EVA1C: variants seen among roughly 807,000 people sequenced by gnomAD.
EVA1C encodes eva-1 homolog C, also known as protein eva-1 homolog C.
In EVA1C, 25 loss-of-function variants were observed where a neutral mutation model predicts 45.4. The observed-to-expected ratio is 0.55, with a 90% CI of 0.40 to 0.77. EVA1C has a LOEUF of 0.77. Among genes scored for constraint, EVA1C ranks in the 30% least tolerant of loss-of-function variants. The probability of loss-of-function intolerance (pLI) is 0.00; values close to 1 mark genes in which losing one functional copy is unlikely to be tolerated. For synonymous variants in EVA1C, 190 were observed against 221.2 expected (o/e 0.86, Z 1.25); for missense variants, 479 against 554.8 (o/e 0.86, Z 1.37).
chr21:32,442,599 A>G (rs1386514323), intron 1 of EVA1C, among the ~76,000 whole-genome samples: 1 of 147,784 alleles, frequency 6.8e-6, no homozygotes, highest in Non-Finnish European at 1.5e-5. Flanking sequence ...TTATTTGTTT[A>G]TTTGTGAATA....
At chr21:32,438,669 AG>A (rs1158901997) in intron 1 of EVA1C, among the ~76,000 whole-genome samples, 5 of 152,132 alleles carry the variant, frequency 3.3e-5, no homozygotes, top group Non-Finnish European at 7.3e-5. Context: ...GTATTGATTT[AG>A]GGGTTATAAA....
intron 2 of EVA1C, among the ~76,000 whole-genome samples, chr21:32,455,961 CG>C (rs559369119): frequency 4.4e-4 from 67 of 152,246 alleles, no homozygotes; most frequent in East Asian, 4.3e-3. Flanking sequence ...GGCGCAATCT[CG>C]GCTTACCACA....
At chr21:32,421,782 G>A (rs2034282110) in intron 1 of EVA1C, among the ~76,000 whole-genome samples, 4 of 152,188 alleles carry the variant, frequency 2.6e-5, no homozygotes, top group Admixed American at 2.6e-4. Context: ...GGTGGCTCAT[G>A]CCTGTAATCC....
At chr21:32,510,659 A>ACAGTGTTT (rs1272243124) in intron 7 of EVA1C, among the ~76,000 whole-genome samples, 1 of 152,216 alleles carries the variant, frequency 6.6e-6, no homozygotes, top group Non-Finnish European at 1.5e-5. Flanking sequence ...ATGGAGCAGA[A>ACAGTGTTT]CAGTGTTTCA....
chr21:32,421,167 G>GAGTGGTTAAATATAAAGAATATCC (rs145422635), intron 1 of EVA1C, among the ~76,000 whole-genome samples: 58,210 of 152,034 alleles, frequency 0.38, 11,748 homozygotes, highest in African/African-American at 0.51. Flanking sequence ...AATGAGTGGT[G>GAGTGGTTAAATATAAAGAATATCC]AGGAAACAAA....
intron 1 of EVA1C, among the ~76,000 whole-genome samples, chr21:32,448,428 G>A (rs1426818582): frequency 1.3e-5 from 2 of 152,136 alleles, no homozygotes; most frequent in Non-Finnish European, 2.9e-5. Context: ...ACAAAGTAAA[G>A]CACATGCCTG....
At chr21:32,504,147 C>T in intron 7 of EVA1C, 132 bp downstream of exon 7, 1 of 645,622 alleles carries the variant, frequency 1.5e-6, no homozygotes, top group South Asian at 1.9e-5. Context: ...CCAACCACCA[C>T]TTCTAAGATT....
At chr21:32,494,721 T>C (rs532478612) in intron 4 of EVA1C, among the ~76,000 whole-genome samples, 49 of 150,674 alleles carry the variant, frequency 3.3e-4, no homozygotes, top group African/African-American at 8.8e-4. Context: ...AGGCAGAGGT[T>C]GCAGTGACTG....
intron 7 of EVA1C, among the ~76,000 whole-genome samples, chr21:32,509,455 G>A (rs1316239144): frequency 6.6e-6 from 1 of 152,186 alleles, no homozygotes; most frequent in Non-Finnish European, 1.5e-5. Flanking sequence ...CACCTCCCAG[G>A]AGAAGAGGAG....
chr21:32,415,733 T>C (rs1045033654), intron 1 of EVA1C, among the ~76,000 whole-genome samples: 2 of 152,136 alleles, frequency 1.3e-5, no homozygotes, highest in African/African-American at 4.8e-5. Context: ...AAACACCGCC[T>C]TCTCTCTCAT....
At position 32,457,573 on chromosome 21, in the gene EVA1C, C is replaced by CCCTT. The variant is rs758451496; in HGVS notation, c.358-23_358-20dup. On this transcript the variant is annotated intron_variant, in intron 2 of 7. Coordinates refer to ENST00000300255, the MANE Select transcript of EVA1C (RefSeq NM_058187.5). ...CACTGTGAGCAGTTTTCAAGCCTGTCCCTTTTCTACCCTCTCCTTCTAGAA... is the reference window on the plus strand; with the variant it reads ...CACTGTGAGCAGTTTTCAAGCCTGTCCCTTCCTTTTCTACCCTCTCCTTCTAGAA... The CCCTT allele has an allele frequency of 3.1e-6, 5 of 1,613,880 alleles. No homozygotes were observed. In the Admixed American group the frequency reaches 8.3e-5, roughly 27 times the overall value.
Position 32,507,937 on chromosome 21 carries a change from CTGTA to C in EVA1C, c.949+3926_949+3929del, listed in dbSNP as rs1013606077. 1.7e-4 allele frequency among the ~76,000 whole-genome samples: 19 copies of C among 114,402 alleles called. No homozygotes were observed. The East Asian group carries it at 5.6e-3, about 34-fold the overall frequency. The allele number at this position is 114,402 out of a possible 152,430, so 75.1% of individuals were successfully genotyped here. On this transcript the variant is annotated intron_variant, in intron 7 of 7. Transcript: ENST00000300255. ...TGTGCGTGTGTGCCTGTATGTGTAT[CTGTA>C]TGTGTGTTTGTGTGTGTGTGTATCT...
intron 1 of EVA1C, among the ~76,000 whole-genome samples, chr21:32,445,457 G>T (rs966085038): frequency 6.6e-6 from 1 of 152,160 alleles, no homozygotes. Flanking sequence ...TTTTATCTTT[G>T]TAGCCGTCTT....
At chr21:32,457,757 G>T in intron 3 of EVA1C, 37 bp downstream of exon 3, 1 of 1,612,396 alleles carries the variant, frequency 6.2e-7, no homozygotes, top group South Asian at 1.1e-5. Context: ...TGTTTGGGGT[G>T]TGGTTCTCGT....
At chr21:32,431,600 A>G (rs1209941407) in intron 1 of EVA1C, among the ~76,000 whole-genome samples, 2 of 152,258 alleles carry the variant, frequency 1.3e-5, no homozygotes, top group African/African-American at 2.4e-5. Context: ...CAAGGTTGAC[A>G]CCTGCAGAAA....
chr21:32,412,933 C>A lies in EVA1C; in HGVS notation c.80C>A (p.Pro27Gln). 1 of 1,535,384 alleles carries A rather than the reference C, an allele frequency of 6.5e-7. No homozygotes were observed. Among genetic ancestry groups the A allele is most frequent in the Non-Finnish European group, 8.7e-7 (1 of 1,143,140 alleles). ...QHPGLRRQVE[P>Q]PGQLLRLFYC... ...CCCGGCCTCCGCCGGCAGGTAGAGC[C>A]GCCGGGGCAGCTCCTGCGCCTCTTC... The change falls in exon 1 of 8, where the codon CCG (proline) becomes CAG (glutamine). Residue 27 changes from proline (P) to glutamine (Q), a missense_variant. Around this residue, in one of 3 missense-constraint regions of EVA1C, gnomAD observed 80 missense variants for 63.8 expected, o/e 1.25. Transcript: ENST00000300255.
In EVA1C at chr21:32,483,457, C is replaced by T. The variant is rs77499218; in HGVS notation, c.635-11570C>T. ...TGTTTACTCTTCATTCATGAAGACC[C>T]GCCAGAGTAGCTCCAGCAAGCCACT... On this transcript the variant is annotated intron_variant, in intron 4 of 7. Transcript: ENST00000300255. Among the ~76,000 whole-genome samples, 1,410 of 152,202 alleles carry T rather than the reference C, an allele frequency of 9.3e-3. 15 individuals are homozygous for T. Among genetic ancestry groups the T allele is most frequent in the South Asian group, 0.016 (75 of 4,818 alleles).
At chr21:32,500,533 T>C (rs2037494296) in intron 5 of EVA1C, among the ~76,000 whole-genome samples, 1 of 152,172 alleles carries the variant, frequency 6.6e-6, no homozygotes, top group Admixed American at 6.5e-5. Flanking sequence ...TTAGTAAATT[T>C]AGAGTTGTGC....
chr21:32,489,671 C>CTGTA (rs1227071247), intron 4 of EVA1C, among the ~76,000 whole-genome samples: 1 of 152,138 alleles, frequency 6.6e-6, no homozygotes, highest in Non-Finnish European at 1.5e-5. Flanking sequence ...TGCATTGAGC[C>CTGTA]TGTAGATCAC....
Sources: allele counts gnomAD v4.1 joint callset (sites outside exome capture counted in the v4.1 genomes callset), GRCh38; gene constraint gnomAD v4.1.1; regional missense constraint gnomAD v4.1.1; transcripts MANE v1.5; gene names NCBI Gene and HGNC (gene_info 2026-07-23, HGNC 2026-07-21).